Variants in OVGP1 observed in about 807,000 individuals in gnomAD.
OVGP1 encodes the protein oviductal glycoprotein 1.
Under a neutral mutation model 48.2 loss-of-function variants are expected in OVGP1, and 26 were observed. That is an observed-to-expected ratio of 0.54 (90% CI 0.40 to 0.75). The LOEUF (loss-of-function observed/expected upper bound fraction) is 0.75. Among genes scored for constraint, OVGP1 ranks in the 30% least tolerant of loss-of-function variants. The probability of loss-of-function intolerance (pLI) is 0.00; values close to 1 mark genes in which losing one functional copy is unlikely to be tolerated. For synonymous variants in OVGP1, 294 were observed against 305.7 expected, an observed-to-expected ratio of 0.96 and a Z score of 0.40; for missense variants, 791 against 820.6, an observed-to-expected ratio of 0.96 and a Z score of 0.44.
rs2101720860 is a variant in OVGP1 at position 111,414,878 on chromosome 1, GC to G, written c.1622del (p.Ser541ThrfsTer7). ...CAGGGGTCATAGTCGTTCCTCCAGG[GC>G]TCACAGACTGATGACTCACAGGGGT... Reference protein sequence around the residue: ...SVTPVSHQSVSPGGTTMTPVH... With the variant: ...SVTPVSHQSVXPGGTTMTPVH... On this transcript the variant is annotated frameshift_variant, in exon 11 of 11. Coordinates refer to ENST00000369732, the MANE Select transcript of OVGP1 (RefSeq NM_002557.4). LOFTEE classifies it low-confidence loss of function (END_TRUNC). 1.9e-6 allele frequency: 3 copies of G among 1,546,068 alleles called. No homozygotes were observed.
chr1:111,419,943 T>C (rs1652222483), intron 8 of OVGP1, among the ~76,000 whole-genome samples: 4 of 152,270 alleles, frequency 2.6e-5, no homozygotes, highest in South Asian at 2.1e-4. Context: ...CTACTGTCCA[T>C]GATGGAAAAA....
At position 111,422,969 on chromosome 1, in the gene OVGP1, G is replaced by A; in HGVS notation, c.566C>T (p.Pro189Leu). The change falls in exon 6 of 11, where the codon CCA becomes CTA. Residue 189 changes from proline to leucine, a missense_variant. By Grantham distance (98) the Pro-to-Leu change is moderately conservative. Coordinates refer to ENST00000369732, the MANE Select transcript of OVGP1 (RefSeq NM_002557.4). ...ATCATAGGATGTTTGGACGATGTGT[G>A]GGACCCCAGAAACAGCAGCAGACAG... ...LLLSAAVSGV[P>L]HIVQTSYDVR... 2 of 1,614,162 alleles carry A rather than the reference G, an allele frequency of 1.2e-6. No individual in the cohort carries two copies. The highest frequency in any genetic ancestry group is 1.7e-6 in the Non-Finnish European group (2 of 1,180,022).
intron 5 of OVGP1, 104 bp downstream of exon 5, chr1:111,423,439 C>G (rs1247027134): frequency 8.2e-7 from 1 of 1,225,678 alleles, no homozygotes; most frequent in African/African-American, 1.5e-5. Flanking sequence ...TTCTGTCACC[C>G]TCTTCTGCCC....
At position 111,423,648 on chromosome 1, in the gene OVGP1, GGATATA is replaced by G; in HGVS notation, c.372_377del (p.Ile125_Ser126del). 6.2e-7 allele frequency: 1 copy of G among 1,614,064 alleles called. No homozygotes were observed. The highest frequency in any genetic ancestry group is 1.1e-5 in the South Asian group (1 of 91,080). ...CATCAAAGTCATGTGTCCTCAGAAGGGATATAACTGAAGCAATAAACTTTTCACGGT... is the reference window on the plus strand; with the variant it reads ...CATCAAAGTCATGTGTCCTCAGAAGGACTGAAGCAATAAACTTTTCACGGT... On this transcript the variant is annotated inframe_deletion, in exon 5 of 11. Coordinates refer to ENST00000369732, the MANE Select transcript of OVGP1 (RefSeq NM_002557.4).
At chr1:111,425,581 TAGA>T in intron 3 of OVGP1, 142 bp from the exon 4 acceptor site, 1 of 1,453,918 alleles carries the variant, frequency 6.9e-7, no homozygotes, top group Admixed American at 2.0e-5. Flanking sequence ...GGGAAGGTGA[TAGA>T]AGGAGAGAGA....
At chr1:111,421,710 C>A (rs918747480) in intron 6 of OVGP1, 37 bp from the exon 7 acceptor site, 3 of 1,303,452 alleles carry the variant, frequency 2.3e-6, no homozygotes, top group Non-Finnish European at 3.3e-6. Flanking sequence ...AAAGACTGGG[C>A]TAGCCAGATT....
Position 111,414,336 on chromosome 1 carries a change from T to C in OVGP1, c.*128A>G. 3.9e-6 allele frequency: 3 copies of C among 761,570 alleles called. No homozygotes were observed. The highest frequency in any genetic ancestry group is 2.1e-6 in the Non-Finnish European group (1 of 471,192). The allele number at this position is 761,570 out of a possible 1,614,324, so 47.2% of individuals were successfully genotyped here. ...TCGGTGGGTTCTTGTGTTTACAGTT[T>C]ATTTAATGGAAAAGAGATTGGCCTA... is the stretch of plus-strand genomic sequence containing the variant. On this transcript the variant is annotated 3_prime_UTR_variant, in exon 11 of 11. Coordinates refer to ENST00000369732, the MANE Select transcript of OVGP1 (RefSeq NM_002557.4).
At position 111,414,897 on chromosome 1, in the gene OVGP1, A is replaced by ACAGGGTTCAGGGTCTTTTCCC. The variant is rs1557781139; in HGVS notation, c.1603_1604insGGGAAAAGACCCTGAACCCTG (p.Pro534_Val535insGlyGluLysThrLeuAsnPro). 6.6e-6 allele frequency: 5 copies of ACAGGGTTCAGGGTCTTTTCCC among 751,904 alleles called. No homozygotes were observed. Among genetic ancestry groups the ACAGGGTTCAGGGTCTTTTCCC allele is most frequent in the Non-Finnish European group, 7.5e-6 (4 of 533,864 alleles). The allele number at this position is 751,904 out of a possible 1,614,324, so 46.6% of individuals were successfully genotyped here. ...TCCAGGGCTCACAGACTGATGACTCACAGGGGTCACAGACTGATGACCCAC... is the reference window on the plus strand; with the variant it reads ...TCCAGGGCTCACAGACTGATGACTCACAGGGTTCAGGGTCTTTTCCCCAGGGGTCACAGACTGATGACCCAC... On this transcript the variant is annotated inframe_insertion, in exon 11 of 11. Transcript: ENST00000369732.
intron 1 of OVGP1, 126 bp downstream of exon 1, chr1:111,427,571 C>T: frequency 8.3e-7 from 1 of 1,207,624 alleles, no homozygotes; most frequent in Non-Finnish European, 1.2e-6. Context: ...ATGGCCCATC[C>T]CATCTCTACC....
At chr1:111,418,176 C>G (rs1571353372) in intron 9 of OVGP1, among the ~76,000 whole-genome samples, 2 of 152,182 alleles carry the variant, frequency 1.3e-5, no homozygotes. Flanking sequence ...CCCAACCTGG[C>G]TTCATGTCTC....
Position 111,417,605 on chromosome 1 carries a change from T to C in OVGP1, c.1021-1147A>G, listed in dbSNP as rs377702480. On this transcript the variant is annotated intron_variant, in intron 9 of 10. Coordinates refer to ENST00000369732, the MANE Select transcript of OVGP1 (RefSeq NM_002557.4). ...CTACTTACAAGCTAAGAAATTAGTC[T>C]GCCAGTTTTGTGTGTATACACACAC... is the stretch of plus-strand genomic sequence containing the variant. Among the ~76,000 whole-genome samples the C allele has an allele frequency of 1.1e-4, 17 of 152,228 alleles. No homozygotes were observed. The East Asian group carries it at 2.3e-3, about 21-fold the overall frequency.
At chr1:111,422,828 G>T in intron 6 of OVGP1, 99 bp downstream of exon 6, 1 of 1,423,246 alleles carries the variant, frequency 7.0e-7, no homozygotes, top group Non-Finnish European at 9.8e-7. Context: ...GCAGGCACAC[G>T]GTGAGCTCAA....
At chr1:111,424,774 T>A (rs1163647141) in intron 4 of OVGP1, among the ~76,000 whole-genome samples, 2 of 152,208 alleles carry the variant, frequency 1.3e-5, no homozygotes, top group Non-Finnish European at 2.9e-5. Flanking sequence ...GTGTATCTCA[T>A]GCCTTTAAGG....
Position 111,419,646 on chromosome 1 carries a change from C to T in OVGP1, c.984G>A (p.Trp328Ter). The T allele has an allele frequency of 1.2e-6, 2 of 1,611,904 alleles. No homozygotes were observed. The highest frequency in any genetic ancestry group is 1.3e-5 in the African/African-American group (1 of 74,808). Residue 328 changes from tryptophan to a stop codon, truncating the protein, a stop_gained, in exon 9 of 11, where the codon TGG becomes TGA. Coordinates refer to ENST00000369732, the MANE Select transcript of OVGP1 (RefSeq NM_002557.4). LOFTEE classifies it high-confidence loss of function. ...AGCTGATGGCATTGTCATAGCCAAC[C>T]CACTCTTTCCCCTTGTTGGCATACG... ...YVPYANKGKE[W>*]VGYDNAISFS...
chr1:111,422,856 C>T, intron 6 of OVGP1, 71 bp downstream of exon 6: 1 of 1,576,920 alleles, frequency 6.3e-7, no homozygotes. Flanking sequence ...GCTTGGGAAG[C>T]TCTGGGGTTC....
chr1:111,423,891 C>G (rs1652335042), intron 4 of OVGP1, among the ~76,000 whole-genome samples, 183 bp from the exon 5 acceptor site: 1 of 152,178 alleles, frequency 6.6e-6, no homozygotes, highest in Non-Finnish European at 1.5e-5. Flanking sequence ...AGCTCAATAC[C>G]CAGGAGTAGG....
At chr1:111,419,281 C>A (rs1006239345) in intron 9 of OVGP1, among the ~76,000 whole-genome samples, 4 of 152,164 alleles carry the variant, frequency 2.6e-5, no homozygotes, top group Non-Finnish European at 4.4e-5. Flanking sequence ...TTACCATGAT[C>A]TACTTTGTGT....
chr1:111,421,654 C>T lies in OVGP1; in HGVS notation c.628G>A (p.Val210Ile), dbSNP rs1290103731. ...FLGRLLDFINVLSYDLHGSWE... is the reference protein window; with the variant it reads ...FLGRLLDFINILSYDLHGSWE... ...CTTCCATGTAAGTCATAAGACAAGA[C>T]ATTGATGAAATCCAGGAGTCTGTAA... Residue 210 changes from valine to isoleucine, a missense_variant, in exon 7 of 11, where the codon GTC (valine) becomes ATC (isoleucine). Physicochemically the swap from Val to Ile is conservative, Grantham distance 29. Transcript: ENST00000369732. 1 of 1,609,254 alleles carries T rather than the reference C, an allele frequency of 6.2e-7. No homozygotes were observed. The highest frequency in any genetic ancestry group is 8.5e-7 in the Non-Finnish European group (1 of 1,175,754).
chr1:111,419,848 T>C, intron 8 of OVGP1, 122 bp from the exon 9 acceptor site: 2 of 676,144 alleles, frequency 3.0e-6, no homozygotes, highest in Non-Finnish European at 5.3e-6. Flanking sequence ...GAGAAGAAGG[T>C]AAACCAAAGA....
Sources: allele counts gnomAD v4.1 joint callset (sites outside exome capture counted in the v4.1 genomes callset), GRCh38; gene constraint gnomAD v4.1.1; transcripts MANE v1.5; gene names NCBI Gene and HGNC (gene_info 2026-07-23, HGNC 2026-07-21).